Variants in MAN1A1 observed in about 807,000 individuals in gnomAD.
MAN1A1 encodes the protein mannosidase alpha class 1A member 1, also known as mannosyl-oligosaccharide 1,2-alpha-mannosidase IA.
MAN1A1 carries 29 observed loss-of-function variants against 70.8 expected under a neutral mutation model. The ratio of observed to expected loss-of-function variants is 0.41; its 90% CI spans 0.31 to 0.56. The LOEUF (loss-of-function observed/expected upper bound fraction) is 0.56. Ranked by LOEUF, MAN1A1 falls within the 20% of genes least tolerant of loss-of-function variation. The pLI, the probability that MAN1A1 is intolerant of heterozygous loss-of-function variation, is 0.29. For synonymous variants in MAN1A1, 349 were observed against 330.1 expected, an observed-to-expected ratio of 1.06 and a Z score of -0.62; for missense variants, 747 against 841.3, an observed-to-expected ratio of 0.89 and a Z score of 1.39.
At chr6:119,198,006 CTT>C (rs1773619520) in intron 8 of MAN1A1, among the ~76,000 whole-genome samples, 1 of 152,148 alleles carries the variant, frequency 6.6e-6, no homozygotes, top group Non-Finnish European at 1.5e-5. Context: ...ATGAAGGAGA[CTT>C]TTCTTCAGCT....
In MAN1A1 at chr6:119,348,530, G is replaced by A. The variant is rs2114519657; in HGVS notation, c.536C>T (p.Pro179Leu). The change falls in exon 2 of 13, where the codon CCA becomes CTA. Residue 179 changes from proline to leucine, a missense_variant. Pro to Leu is a moderately conservative substitution (Grantham distance 98). Around this residue, in one of 2 missense-constraint regions of MAN1A1, gnomAD observed 328 missense variants for 293.1 expected, o/e 1.12. Coordinates refer to ENST00000368468, the MANE Select transcript of MAN1A1 (RefSeq NM_005907.4). ...GGGCTCCCGGCTCTCCACCCCGATT[G>A]GGGGCACGAAGTCCACCGGGGGCAG... ...RGLPPVDFVP[P>L]IGVESREPAD... The A allele has an allele frequency of 6.2e-7, 1 of 1,612,750 alleles. No individual in the cohort carries two copies. The highest frequency in any genetic ancestry group is 1.1e-5 in the South Asian group (1 of 90,860).
chr6:119,205,217 C>G (rs913809969), intron 6 of MAN1A1, among the ~76,000 whole-genome samples: 1 of 152,188 alleles, frequency 6.6e-6, no homozygotes, highest in Non-Finnish European at 1.5e-5. Context: ...AAAACACTCC[C>G]ACCATGCCCA....
chr6:119,338,352 C>A (rs1773516835), intron 2 of MAN1A1, among the ~76,000 whole-genome samples: 1 of 151,498 alleles, frequency 6.6e-6, no homozygotes, highest in African/African-American at 2.4e-5. Flanking sequence ...AAAGCCCAAA[C>A]TTCACACACA....
chr6:119,229,207 T>A lies in MAN1A1; in HGVS notation c.992+19053A>T, dbSNP rs61434124. Among the ~76,000 whole-genome samples the A allele has an allele frequency of 0.01, 870 of 83,460 alleles. 29 individuals carry two copies. The East Asian group carries it at 0.13, about 13-fold the overall frequency. The allele number at this position is 83,460 out of a possible 152,430, so 54.8% of individuals were successfully genotyped here. A position where few individuals can be genotyped will look rare whatever the true frequency, so the allele number is the denominator to read the frequency against. On this transcript the variant is annotated intron_variant, in intron 6 of 12. Transcript: ENST00000368468. ...AGAATCAGTGACTATCAAACTGTGTTCTGAGACAAAAAAAAAAAAAACAAA... is the reference window on the plus strand; with the variant it reads ...AGAATCAGTGACTATCAAACTGTGTACTGAGACAAAAAAAAAAAAAACAAA...
chr6:119,332,868 C>A (rs992690577), intron 2 of MAN1A1, among the ~76,000 whole-genome samples: 1 of 151,408 alleles, frequency 6.6e-6, no homozygotes, highest in African/African-American at 2.4e-5. Context: ...AGAGAAATAT[C>A]TAACTTGGGG....
intron 6 of MAN1A1, among the ~76,000 whole-genome samples, chr6:119,215,288 C>T (rs1366723028): frequency 6.6e-6 from 1 of 152,084 alleles, no homozygotes; most frequent in African/African-American, 2.4e-5. Flanking sequence ...AAAAACCTTT[C>T]TTCTTTATGT....
At chr6:119,257,374 G>A (rs1775488322) in intron 5 of MAN1A1, among the ~76,000 whole-genome samples, 1 of 152,120 alleles carries the variant, frequency 6.6e-6, no homozygotes, top group Non-Finnish European at 1.5e-5. Flanking sequence ...CACTACTTTA[G>A]TGCCTCCCAT....
chr6:119,241,939 T>C lies in MAN1A1; in HGVS notation c.992+6321A>G, dbSNP rs1277995540. Among the ~76,000 whole-genome samples the C allele has an allele frequency of 3.6e-5, 4 of 110,328 alleles. No homozygotes were observed. In the South Asian group the frequency reaches 1.3e-3, roughly 36 times the overall value. 72.4% of individuals were successfully genotyped at this position (110,328 alleles called of 152,430 possible). On this transcript the variant is annotated intron_variant, in intron 6 of 12. Coordinates refer to ENST00000368468, the MANE Select transcript of MAN1A1 (RefSeq NM_005907.4). The stretch of plus-strand genomic sequence containing the variant: ...GTGTGTGTGTTTGTGTATGTGTGTG[T>C]GTGTATGTATGTGTGTGTGTGTGTG...
intron 2 of MAN1A1, among the ~76,000 whole-genome samples, chr6:119,309,553 G>C (rs751086464): frequency 5.9e-5 from 9 of 152,108 alleles, no homozygotes; most frequent in Non-Finnish European, 1.3e-4. Context: ...GGTTTCTTTT[G>C]TAGTCTTTCA....
chr6:119,268,953 T>A (rs1562218452), intron 5 of MAN1A1, among the ~76,000 whole-genome samples: 1 of 151,868 alleles, frequency 6.6e-6, no homozygotes, highest in Non-Finnish European at 1.5e-5. Context: ...ATTCTTAGAG[T>A]CATTTAAAGT....
intron 2 of MAN1A1, among the ~76,000 whole-genome samples, chr6:119,320,450 G>T (rs1772975498): frequency 6.6e-6 from 1 of 152,140 alleles, no homozygotes; most frequent in South Asian, 2.1e-4. Context: ...TGAGAAAACA[G>T]AAGTTTTTCT....
chr6:119,247,695 G>A (rs1181878419), intron 6 of MAN1A1, among the ~76,000 whole-genome samples: 1 of 152,046 alleles, frequency 6.6e-6, no homozygotes, highest in South Asian at 2.1e-4. Flanking sequence ...GGCATATCAG[G>A]GTTCTCCACC....
intron 5 of MAN1A1, among the ~76,000 whole-genome samples, chr6:119,251,453 C>G (rs746453091): frequency 9.2e-5 from 14 of 152,232 alleles, no homozygotes; most frequent in Non-Finnish European, 7.3e-5. Context: ...TTAAATCACT[C>G]TCTTCTGCCT....
chr6:119,274,853 CAG>C (rs1776012367), intron 5 of MAN1A1, among the ~76,000 whole-genome samples: 1 of 151,992 alleles, frequency 6.6e-6, no homozygotes, highest in African/African-American at 2.4e-5. Context: ...TGAAAAGAGT[CAG>C]AGATTGAAGA....
intron 6 of MAN1A1, among the ~76,000 whole-genome samples, chr6:119,206,092 T>C (rs1342896045): frequency 1.3e-5 from 2 of 151,604 alleles, no homozygotes; most frequent in African/African-American, 4.9e-5. Flanking sequence ...CAAGTACGAG[T>C]TGGTGAGGAA....
chr6:119,345,286 A>T (rs1773698596), intron 2 of MAN1A1, among the ~76,000 whole-genome samples: 1 of 152,120 alleles, frequency 6.6e-6, no homozygotes. Context: ...CCATGCTGCT[A>T]TTTTAACTTT....
chr6:119,340,658 G>A (rs1244924887), intron 2 of MAN1A1, among the ~76,000 whole-genome samples: 1 of 152,194 alleles, frequency 6.6e-6, no homozygotes, highest in Admixed American at 6.5e-5. Context: ...TAGCAATGCT[G>A]TGTTATTAAA....
At chr6:119,246,890 C>T (rs1359906707) in intron 6 of MAN1A1, among the ~76,000 whole-genome samples, 2 of 151,970 alleles carry the variant, frequency 1.3e-5, no homozygotes, top group African/African-American at 4.8e-5. Context: ...AGCCTGAGGA[C>T]CCTTAAAGGA....
intron 7 of MAN1A1, 149 bp from the exon 8 acceptor site, chr6:119,201,496 A>G: frequency 1.6e-6 from 1 of 620,748 alleles, no homozygotes; most frequent in Admixed American, 2.6e-5. Context: ...ACATAATGGC[A>G]GTAAGTGAAT....
Sources: gnomAD v4.1 joint callset for allele counts (sites outside exome capture counted in the v4.1 genomes callset) on GRCh38, gnomAD v4.1.1 for gene constraint, gnomAD v4.1.1 regional missense constraint, MANE v1.5 for transcripts, NCBI Gene and HGNC (gene_info 2026-07-23, HGNC 2026-07-21) for gene names.